APBA1: variants seen among roughly 807,000 people sequenced by gnomAD.
APBA1 encodes amyloid-beta A4 precursor protein-binding family A member 1.
Under a neutral mutation model 86.6 loss-of-function variants are expected in APBA1, and 55 were observed. The ratio of observed to expected loss-of-function variants is 0.64; its 90% CI spans 0.51 to 0.80. The LOEUF (loss-of-function observed/expected upper bound fraction) is 0.80. APBA1 is among the 30% of genes least tolerant of loss of function. The pLI, the probability that APBA1 is intolerant of heterozygous loss-of-function variation, is 0.00. For missense variants in APBA1, 1,090 were observed against 1,183.0 expected (o/e 0.92, Z 1.15); for synonymous variants, 511 against 493.9 (o/e 1.03, Z -0.46).
intron 8 of APBA1, among the ~76,000 whole-genome samples, chr9:69,453,299 G>A (rs1835043097): frequency 6.6e-6 from 1 of 152,202 alleles, no homozygotes; most frequent in South Asian, 2.1e-4. Context: ...GTCTAACAGA[G>A]TTGAGAACTC....
intron 1 of APBA1, among the ~76,000 whole-genome samples, chr9:69,654,481 AAAAGAAAGC>A (rs1261058332): frequency 6.6e-6 from 1 of 152,122 alleles, no homozygotes; most frequent in Non-Finnish European, 1.5e-5. Flanking sequence ...ACCCTGTCTC[AAAAGAAAGC>A]AAAGAAAGAA....
intron 1 of APBA1, among the ~76,000 whole-genome samples, chr9:69,666,751 T>C: frequency 6.6e-6 from 1 of 152,180 alleles, no homozygotes; most frequent in South Asian, 2.1e-4. Flanking sequence ...ATGTGGGGTT[T>C]TTAAAAATAA....
intron 1 of APBA1, among the ~76,000 whole-genome samples, chr9:69,663,880 A>G (rs749532546): frequency 6.6e-6 from 1 of 152,190 alleles, no homozygotes; most frequent in Non-Finnish European, 1.5e-5. Context: ...AAGTTGCCTT[A>G]TGTATAAATG....
intron 6 of APBA1, 124 bp from the exon 7 acceptor site, chr9:69,457,263 T>G: frequency 1.3e-5 from 9 of 699,882 alleles, no homozygotes; most frequent in Non-Finnish European, 2.0e-5. Context: ...ATACAGACTC[T>G]AGGGTTAAAC....
chr9:69,450,640 T>TC (rs549882543), intron 9 of APBA1, among the ~76,000 whole-genome samples: 32 of 152,180 alleles, frequency 2.1e-4, no homozygotes, highest in African/African-American at 6.7e-4. Context: ...TTGAATTGTG[T>TC]CCCCCCAAAA....
chr9:69,637,681 G>C (rs1357131867), intron 1 of APBA1, among the ~76,000 whole-genome samples: 1 of 152,224 alleles, frequency 6.6e-6, no homozygotes, highest in Non-Finnish European at 1.5e-5. Context: ...ATGCAGAGAA[G>C]ATGTACTTGT....
At chr9:69,522,068 T>TATACAC (rs1554696804) in intron 1 of APBA1, among the ~76,000 whole-genome samples, 1 of 149,548 alleles carries the variant, frequency 6.7e-6, no homozygotes, top group East Asian at 2.0e-4. Context: ...CACCATTTTA[T>TATACAC]ACACACACAC....
chr9:69,435,790 GT>G (rs1386728372), intron 11 of APBA1, among the ~76,000 whole-genome samples: 1 of 152,168 alleles, frequency 6.6e-6, no homozygotes, highest in Non-Finnish European at 1.5e-5. Flanking sequence ...AAGCTCTTGA[GT>G]TTAATTAGAT....
intron 1 of APBA1, among the ~76,000 whole-genome samples, 153 bp downstream of exon 1, chr9:69,672,000 T>C (rs1823959735): frequency 6.6e-6 from 1 of 152,196 alleles, no homozygotes; most frequent in Admixed American, 6.5e-5. Flanking sequence ...CACTGCCTCC[T>C]GGATGTCGCC....
intron 1 of APBA1, among the ~76,000 whole-genome samples, chr9:69,642,464 A>C (rs1823306521): frequency 6.6e-6 from 1 of 152,202 alleles, no homozygotes; most frequent in African/African-American, 2.4e-5. Context: ...AAGTGTTGAC[A>C]AGGATGCAGA....
chr9:69,573,393 TCAAGGCTG>T (rs1333704800), intron 1 of APBA1, among the ~76,000 whole-genome samples: 1 of 152,064 alleles, frequency 6.6e-6, no homozygotes, highest in Non-Finnish European at 1.5e-5. Context: ...GCCCAGGAGT[TCAAGGCTG>T]CAATGAGCCA....
At chr9:69,557,919 CTT>C (rs1249346494) in intron 1 of APBA1, among the ~76,000 whole-genome samples, 1 of 152,094 alleles carries the variant, frequency 6.6e-6, no homozygotes, top group Non-Finnish European at 1.5e-5. Context: ...TGGCAGGAAT[CTT>C]TATATAGCAC....
chr9:69,451,427 CCCCTCAGCTGGACTTGCAGG>C, intron 9 of APBA1, among the ~76,000 whole-genome samples: 1 of 152,318 alleles, frequency 6.6e-6, no homozygotes, highest in Middle Eastern at 3.4e-3. Flanking sequence ...CAAGTCCAAA[CCCCTCAGCTGGACTTGCAGG>C]CCCTCCAGTT....
intron 1 of APBA1, among the ~76,000 whole-genome samples, chr9:69,587,075 AT>A: frequency 6.6e-6 from 1 of 152,144 alleles, no homozygotes; most frequent in Non-Finnish European, 1.5e-5. Context: ...TGTAGTGAAC[AT>A]TTTTGTCCTT....
intron 2 of APBA1, among the ~76,000 whole-genome samples, chr9:69,512,575 C>A (rs1588331619): frequency 6.6e-6 from 1 of 152,176 alleles, no homozygotes; most frequent in East Asian, 1.9e-4. Flanking sequence ...ACCATAATCA[C>A]AGTGAGATAC....
At chr9:69,458,260 G>A (rs540066107) in intron 5 of APBA1, 72 bp from the exon 6 acceptor site, 1 of 1,437,546 alleles carries the variant, frequency 7.0e-7, no homozygotes, top group South Asian at 1.3e-5. Context: ...AGTCAAAAAG[G>A]GAATTGACAA....
chr9:69,495,993 G>T (rs1241360485), intron 2 of APBA1, among the ~76,000 whole-genome samples: 2 of 152,102 alleles, frequency 1.3e-5, no homozygotes, highest in African/African-American at 4.8e-5. Flanking sequence ...CACAGAAAAG[G>T]GCTGCCTCCA....
chr9:69,458,082 T>G, intron 6 of APBA1, 74 bp downstream of exon 6: 1 of 1,417,282 alleles, frequency 7.1e-7, no homozygotes, highest in South Asian at 1.4e-5. Context: ...AACACGAAAA[T>G]ATAAAAAGGT....
intron 1 of APBA1, among the ~76,000 whole-genome samples, chr9:69,520,061 T>C (rs1435521127): frequency 1.3e-5 from 2 of 152,206 alleles, no homozygotes; most frequent in African/African-American, 2.4e-5. Context: ...ACAGTGTTTG[T>C]ATTTTACACA....
Sources: gnomAD v4.1 joint callset for allele counts (sites outside exome capture counted in the v4.1 genomes callset) on GRCh38, gnomAD v4.1.1 for gene constraint, MANE v1.5 for transcripts, NCBI Gene and HGNC (gene_info 2026-07-23, HGNC 2026-07-21) for gene names.